Variants in HTRA3 observed in about 807,000 individuals in gnomAD.
HTRA3 encodes HtrA serine peptidase 3.
HTRA3 carries 41 observed loss-of-function variants against 43.2 expected under a neutral mutation model. The ratio of observed to expected loss-of-function variants is 0.95; its 90% CI spans 0.74 to 1.23. The LOEUF (loss-of-function observed/expected upper bound fraction) is 1.23. Among genes scored for constraint, HTRA3 ranks in the 50% most tolerant of loss-of-function variants. The pLI is 0.00. For missense variants in HTRA3, 628 were observed against 647.1 expected, an observed-to-expected ratio of 0.97 and a Z score of 0.32; for synonymous variants, 295 against 287.9, an observed-to-expected ratio of 1.02 and a Z score of -0.25.
intron 3 of HTRA3, among the ~76,000 whole-genome samples, chr4:8,289,782 C>T (rs984902619): frequency 5.9e-5 from 9 of 151,792 alleles, no homozygotes; most frequent in Non-Finnish European, 7.4e-5. Flanking sequence ...CAGCTCACGG[C>T]CTCACCTGTG....
In HTRA3 at chr4:8,279,555, C is replaced by A. The variant is rs1158868043; in HGVS notation, c.386-2882C>A. ...GGCTTTGGCAAGCAGGGGGTGGACA[C>A]GTTGGGGTCCAGAGAGCTTTCCGGC... On this transcript the variant is annotated intron_variant, in intron 1 of 8. Coordinates refer to ENST00000307358, the MANE Select transcript of HTRA3 (RefSeq NM_053044.5). This position sits in a 1 kb window ranked among gnomAD's most constrained non-coding sequence, Gnocchi z 7.4. Among the ~76,000 whole-genome samples, 2 of 152,020 alleles carry A rather than the reference C, an allele frequency of 1.3e-5. No individual in the cohort carries two copies. Among genetic ancestry groups the A allele is most frequent in the Admixed American group, 6.6e-5 (1 of 15,262 alleles).
chr4:8,286,004 G>C lies in HTRA3; in HGVS notation c.486-557G>C, dbSNP rs1284423692. Among the ~76,000 whole-genome samples, 1 of 152,214 alleles carries C rather than the reference G, an allele frequency of 6.6e-6. No individual in the cohort carries two copies. The highest frequency in any genetic ancestry group is 2.4e-5 in the African/African-American group (1 of 41,460). On this transcript the variant is annotated intron_variant, in intron 2 of 8. Transcript: ENST00000307358. This position sits in a 1 kb window ranked among gnomAD's most constrained non-coding sequence, Gnocchi z 4.9. ...AGCCTCTGGGGAGCCTCCCTTCCTG[G>C]GTACCTGCTGCAGCCCTGCAGGATG...
In HTRA3 at chr4:8,295,386, C is replaced by A. The variant is rs993655799; in HGVS notation, c.1051+1185C>A. 3.9e-5 allele frequency among the ~76,000 whole-genome samples: 6 copies of A among 151,982 alleles called. No individual in the cohort carries two copies. Among genetic ancestry groups the A allele is most frequent in the Non-Finnish European group, 8.8e-5 (6 of 67,980 alleles). The stretch of plus-strand genomic sequence containing the variant: ...CACCCCATCAAAAAGGGATACCCAG[C>A]CCACCCTGCCCACTCCTAGATTGCC... On this transcript the variant is annotated intron_variant, in intron 6 of 8. Transcript: ENST00000307358. The surrounding 1 kb of genome is among the most constrained non-coding windows in gnomAD (Gnocchi z 6.9).
rs1712284009 is a variant in HTRA3, at chr4:8,271,710, G to A, written c.385+1357G>A. ...AAGGGAGGAAGCTGCGTCTTCACAC[G>A]GCAGAAGTGCAGGCAGGGACAAGGC... On this transcript the variant is annotated intron_variant, in intron 1 of 8. Coordinates refer to ENST00000307358, the MANE Select transcript of HTRA3 (RefSeq NM_053044.5). 2.0e-5 allele frequency among the ~76,000 whole-genome samples: 3 copies of A among 151,414 alleles called. 1 individual carries two copies. Among genetic ancestry groups the A allele is most frequent in the Admixed American group, 2.0e-4 (3 of 15,210 alleles).
At chr4:8,291,265 T>C in intron 3 of HTRA3, 105 bp from the exon 4 acceptor site, 3 of 971,026 alleles carry the variant, frequency 3.1e-6, no homozygotes, top group Non-Finnish European at 4.9e-6. Flanking sequence ...TTTGCACAGA[T>C]GTGCATGCCT....
At chr4:8,272,937 C>T (rs1398023412) in intron 1 of HTRA3, among the ~76,000 whole-genome samples, 1 of 152,216 alleles carries the variant, frequency 6.6e-6, no homozygotes, top group African/African-American at 2.4e-5. Context: ...TGCACGGGGA[C>T]CTTGGACAGC....
At chr4:8,304,676 A>G (rs1435945327) in intron 8 of HTRA3, among the ~76,000 whole-genome samples, 2 of 71,904 alleles carry the variant, frequency 2.8e-5, no homozygotes, top group Non-Finnish European at 5.0e-5. Flanking sequence ...TTTTTTTTTG[A>G]GACAGTCTCC....
At chr4:8,273,726 G>A (rs1023187537) in intron 1 of HTRA3, among the ~76,000 whole-genome samples, 4 of 151,834 alleles carry the variant, frequency 2.6e-5, no homozygotes, top group African/African-American at 2.4e-5. Context: ...GATCCCCTCC[G>A]TCCCTCCGCC....
Position 8,270,356 on chromosome 4 carries a change from A to T in HTRA3, c.385+3A>T. ...GCAGAAGGGCGCCTGCCCGTTGGGTAAGCGCTCGGGGGCCAGGGAGGAAGT... is the reference window on the plus strand; with the variant it reads ...GCAGAAGGGCGCCTGCCCGTTGGGTTAGCGCTCGGGGGCCAGGGAGGAAGT... On this transcript the variant is annotated splice_donor_region_variant and intron_variant, in intron 1 of 8. Transcript: ENST00000307358. 7.1e-7 allele frequency: 1 copy of T among 1,403,518 alleles called. No individual in the cohort carries two copies. The highest frequency in any genetic ancestry group is 9.2e-7 in the Non-Finnish European group (1 of 1,084,920). 86.9% of individuals were successfully genotyped at this position (1,403,518 alleles called of 1,614,324 possible).
At chr4:8,303,555 C>T (rs912210384) in intron 7 of HTRA3, among the ~76,000 whole-genome samples, 6 of 152,228 alleles carry the variant, frequency 3.9e-5, no homozygotes, top group African/African-American at 1.4e-4. Flanking sequence ...TGACCATTTC[C>T]TCAAAGCACA....
chr4:8,294,611 T>C (rs1445640699), intron 6 of HTRA3, among the ~76,000 whole-genome samples: 12 of 70 alleles, frequency 0.17, no homozygotes, highest in Non-Finnish European at 0.23. Flanking sequence ...CATCCATCCA[T>C]CCATCCATCC....
chr4:8,271,961 G>A (rs952450298), intron 1 of HTRA3, among the ~76,000 whole-genome samples: 6 of 152,150 alleles, frequency 3.9e-5, no homozygotes, highest in Non-Finnish European at 5.9e-5. Flanking sequence ...GTGGGGCTGC[G>A]GGGTCTTGGA....
At chr4:8,304,451 C>T (rs1713763529) in intron 8 of HTRA3, among the ~76,000 whole-genome samples, 172 bp downstream of exon 8, 1 of 152,026 alleles carries the variant, frequency 6.6e-6, no homozygotes, top group Non-Finnish European at 1.5e-5. Flanking sequence ...CTGAATGGTC[C>T]CTAGAGCCCT....
rs147554229 is a variant in HTRA3, at chr4:8,305,247, G to A, written c.1197-724G>A. Among the ~76,000 whole-genome samples, 1,177 of 152,344 alleles carry A rather than the reference G, an allele frequency of 7.7e-3. 17 individuals are homozygous for A. The highest frequency in any genetic ancestry group is 0.027 in the African/African-American group (1,126 of 41,568). ...GCTGGGCTTGAAGGTGGGAGGCCCC[G>A]CGTGAACTTCTGTGATGAGCACAGA... is the stretch of plus-strand genomic sequence containing the variant. On this transcript the variant is annotated intron_variant, in intron 8 of 8. Transcript: ENST00000307358.
intron 8 of HTRA3, among the ~76,000 whole-genome samples, chr4:8,305,567 G>A (rs1162572163): frequency 2.0e-5 from 3 of 152,232 alleles, no homozygotes; most frequent in African/African-American, 7.2e-5. Context: ...GGCTGGCCCC[G>A]TGAGCTCTGC....
intron 3 of HTRA3, among the ~76,000 whole-genome samples, chr4:8,288,369 G>T (rs1421729259): frequency 1.3e-5 from 2 of 152,106 alleles, no homozygotes; most frequent in Non-Finnish European, 2.9e-5. Context: ...CGCCTCCCGG[G>T]TTCAAGCAAT....
chr4:8,306,782 C>A lies in HTRA3; in HGVS notation c.*646C>A, dbSNP rs1391052199. On this transcript the variant is annotated 3_prime_UTR_variant, in exon 9 of 9. Transcript: ENST00000307358. The surrounding 1 kb of genome is among the most constrained non-coding windows in gnomAD (Gnocchi z 8.9). The stretch of plus-strand genomic sequence containing the variant: ...CAGGCAGGCAGGAGGCCGCGGGGAG[C>A]ACGTGGAAAGTTGGCTGCTGCCTGG... 1.3e-5 allele frequency: 2 copies of A among 152,654 alleles called. No individual in the cohort carries two copies. The highest frequency in any genetic ancestry group is 4.8e-5 in the African/African-American group (2 of 41,450). 9.5% of individuals were successfully genotyped at this position (152,654 alleles called of 1,614,324 possible). A position where few individuals can be genotyped will look rare whatever the true frequency, so the allele number is the denominator to read the frequency against.
chr4:8,271,573 A>T (rs1443633936), intron 1 of HTRA3, among the ~76,000 whole-genome samples: 6 of 152,264 alleles, frequency 3.9e-5, no homozygotes, highest in African/African-American at 1.4e-4. Context: ...AACGCCTGAG[A>T]CTGGGCAGTT....
intron 1 of HTRA3, among the ~76,000 whole-genome samples, chr4:8,276,700 C>T (rs1277160740): frequency 6.6e-6 from 1 of 152,226 alleles, no homozygotes; most frequent in East Asian, 1.9e-4. Flanking sequence ...TGTGGCCCAG[C>T]TGGGTGTGGA....
Sources: gnomAD v4.1 joint callset for allele counts (sites outside exome capture counted in the v4.1 genomes callset) on GRCh38, gnomAD v4.1.1 for gene constraint, Gnocchi (gnomAD v3.1) non-coding constraint, MANE v1.5 for transcripts, NCBI Gene and HGNC (gene_info 2026-07-23, HGNC 2026-07-21) for gene names.